The following LAPTM5 variants were observed in gnomAD, a reference collection of about 807,000 sequenced individuals.
LAPTM5 encodes lysosomal protein transmembrane 5, also known as lysosomal-associated transmembrane protein 5.
LAPTM5 carries 11 observed loss-of-function variants against 30.1 expected under a neutral mutation model. That is an observed-to-expected ratio of 0.37 (90% CI 0.23 to 0.60). The LOEUF (loss-of-function observed/expected upper bound fraction) is 0.60. Among genes scored for constraint, LAPTM5 ranks in the 20% least tolerant of loss-of-function variants. The probability of loss-of-function intolerance (pLI) is 0.71; values close to 1 mark genes in which losing one functional copy is unlikely to be tolerated. For missense variants in LAPTM5, 324 were observed against 332.5 expected (o/e 0.97, Z 0.20); for synonymous variants, 151 against 137.9 (o/e 1.10, Z -0.67).
chr1:30,742,473 A>C lies in LAPTM5; in HGVS notation c.164T>G (p.Met55Arg). 6.2e-7 allele frequency: 1 copy of C among 1,613,404 alleles called. No individual in the cohort carries two copies. The highest frequency in any genetic ancestry group is 1.7e-5 in the Admixed American group (1 of 59,968). The part of the protein sequence containing the change: ...HGKASCKLSQ[M>R]GYLRIADLIS... ...GGACCTACCGATCCTGAGGTAGCCC[A>C]TCTGGGAGAGCTTGCAGGACGCCTT... Residue 55 changes from methionine (M) to arginine (R), a missense_variant, in exon 2 of 8, where the codon ATG (methionine) becomes AGG (arginine). Transcript: ENST00000294507.
chr1:30,748,782 C>T (rs539825040), intron 1 of LAPTM5, among the ~76,000 whole-genome samples: 5 of 152,364 alleles, frequency 3.3e-5, no homozygotes, highest in Admixed American at 1.3e-4. Context: ...TCCTCACCCG[C>T]CGCCTCCACC....
intron 6 of LAPTM5, among the ~76,000 whole-genome samples, chr1:30,735,523 C>T (rs1569852480): frequency 1.3e-5 from 2 of 152,224 alleles, no homozygotes; most frequent in African/African-American, 4.8e-5. Flanking sequence ...TCCAATTTCC[C>T]TGGCAATAGT....
chr1:30,737,634 G>A lies in LAPTM5; in HGVS notation c.576C>T (p.Ser192=), dbSNP rs971155700. The stretch of plus-strand genomic sequence containing the variant: ...AGATAAGGACAGTGATGAAGGCGAT[G>A]GAAAAGATGATCATCATCTTGATGA... ...NQFIKMMIIF[S]IAFITVLIFK... Residue 192 remains serine, a synonymous_variant, in exon 6 of 8, where the codon TCC becomes TCT. Coordinates refer to ENST00000294507, the MANE Select transcript of LAPTM5 (RefSeq NM_006762.3). The A allele has an allele frequency of 1.2e-6, 2 of 1,613,480 alleles. No individual in the cohort carries two copies. The highest frequency in any genetic ancestry group is 1.7e-5 in the Admixed American group (1 of 59,956).
At chr1:30,742,719 G>A (rs747349412) in intron 1 of LAPTM5, among the ~76,000 whole-genome samples, 170 bp from the exon 2 acceptor site, 1 of 152,186 alleles carries the variant, frequency 6.6e-6, no homozygotes, top group Non-Finnish European at 1.5e-5. Flanking sequence ...TACACACAGA[G>A]AGCCCATGTT....
chr1:30,756,672 G>T (rs376609258), intron 1 of LAPTM5, among the ~76,000 whole-genome samples: 1 of 152,204 alleles, frequency 6.6e-6, no homozygotes, highest in South Asian at 2.1e-4. Context: ...TGCCTGCCCT[G>T]CCTGTGACAG....
intron 5 of LAPTM5, 100 bp from the exon 6 acceptor site, chr1:30,737,799 CG>C: frequency 2.6e-6 from 2 of 761,062 alleles, no homozygotes; most frequent in Non-Finnish European, 4.5e-6. Context: ...CACACACACA[CG>C]AGCACAGCGT....
At chr1:30,747,843 G>A (rs575828941) in intron 1 of LAPTM5, among the ~76,000 whole-genome samples, 1 of 152,296 alleles carries the variant, frequency 6.6e-6, no homozygotes, top group African/African-American at 2.4e-5. Flanking sequence ...CATGTGAGGC[G>A]GGGAGTGGCT....
chr1:30,742,226 A>G (rs1209144050), intron 2 of LAPTM5: 2 of 570,960 alleles, frequency 3.5e-6, no homozygotes, highest in Non-Finnish European at 6.3e-6. Context: ...GGGGATTTGC[A>G]AAGTGCCATT....
intron 7 of LAPTM5, 32 bp from the exon 8 acceptor site, chr1:30,733,949 T>C (rs747720009): frequency 1.3e-5 from 21 of 1,597,158 alleles, no homozygotes; most frequent in Middle Eastern, 3.3e-4. Flanking sequence ...GGGCTGAGTA[T>C]GGTCAAGAAT....
Position 30,741,725 on chromosome 1 carries a change from C to A in LAPTM5, c.182-9G>T. On this transcript the variant is annotated splice_polypyrimidine_tract_variant and intron_variant, in intron 2 of 7. Coordinates refer to ENST00000294507, the MANE Select transcript of LAPTM5 (RefSeq NM_006762.3). ...GCTGGAGATCAGGTCAGCTGAAAGG[C>A]AAGGAGAGCAGGGAGGTGCTCAGGG... 1 of 1,598,942 alleles carries A rather than the reference C, an allele frequency of 6.3e-7. No homozygotes were observed. Among genetic ancestry groups the A allele is most frequent in the Non-Finnish European group, 8.5e-7 (1 of 1,172,348 alleles).
chr1:30,735,554 G>A (rs1639873861), intron 6 of LAPTM5, among the ~76,000 whole-genome samples: 1 of 152,226 alleles, frequency 6.6e-6, no homozygotes, highest in Admixed American at 6.5e-5. Flanking sequence ...CTGCTTGACT[G>A]CCCACACTGC....
At chr1:30,747,268 T>A (rs1416599692) in intron 1 of LAPTM5, among the ~76,000 whole-genome samples, 4 of 152,116 alleles carry the variant, frequency 2.6e-5, no homozygotes, top group Admixed American at 6.5e-5. Flanking sequence ...TGCAGGTGTG[T>A]TTCAGTCCCT....
chr1:30,748,290 G>T (rs1375800488), intron 1 of LAPTM5, among the ~76,000 whole-genome samples: 1 of 152,022 alleles, frequency 6.6e-6, no homozygotes, highest in Non-Finnish European at 1.5e-5. Flanking sequence ...GACAGGCCCG[G>T]GCTTGTCTTC....
chr1:30,754,300 G>T (rs1640179467), intron 1 of LAPTM5, among the ~76,000 whole-genome samples: 1 of 152,152 alleles, frequency 6.6e-6, no homozygotes, highest in South Asian at 2.1e-4. Flanking sequence ...GGGAGGCCAA[G>T]GCAGGAGAAT....
At chr1:30,737,439 A>C (rs575605013) in intron 6 of LAPTM5, among the ~76,000 whole-genome samples, 165 bp downstream of exon 6, 2 of 152,266 alleles carry the variant, frequency 1.3e-5, no homozygotes, top group South Asian at 4.1e-4. Context: ...GATCCCAAGT[A>C]AAGTCAGAGG....
At chr1:30,753,444 A>T (rs1252907774) in intron 1 of LAPTM5, among the ~76,000 whole-genome samples, 2 of 152,196 alleles carry the variant, frequency 1.3e-5, no homozygotes, top group Admixed American at 6.5e-5. Flanking sequence ...GTGGTAAGTC[A>T]AGTTGGCAGA....
intron 6 of LAPTM5, among the ~76,000 whole-genome samples, chr1:30,735,972 A>C (rs1569852794): frequency 6.6e-6 from 1 of 152,258 alleles, no homozygotes; most frequent in South Asian, 2.1e-4. Flanking sequence ...GGCCCAGGGA[A>C]AATCAAGTCG....
chr1:30,740,361 C>G (rs915778438), intron 3 of LAPTM5, among the ~76,000 whole-genome samples: 1 of 151,906 alleles, frequency 6.6e-6, no homozygotes, highest in African/African-American at 2.4e-5. Flanking sequence ...GGCAGAAAGA[C>G]CAACATGAGT....
chr1:30,754,358 C>G (rs1446647932), intron 1 of LAPTM5, among the ~76,000 whole-genome samples: 1 of 151,918 alleles, frequency 6.6e-6, no homozygotes, highest in African/African-American at 2.4e-5. Flanking sequence ...ATAGTGGGAC[C>G]CTGTCTCTAC....
Sources: allele counts gnomAD v4.1 joint callset (sites outside exome capture counted in the v4.1 genomes callset), GRCh38; gene constraint gnomAD v4.1.1; transcripts MANE v1.5; gene names NCBI Gene and HGNC (gene_info 2026-07-23, HGNC 2026-07-21).